The following COX7A2L variants were observed in gnomAD, a reference collection of about 807,000 sequenced individuals.
COX7A2L encodes cytochrome c oxidase subunit 7A2-like, mitochondrial.
Under a neutral mutation model 14.2 loss-of-function variants are expected in COX7A2L, and 18 were observed. The ratio of observed to expected loss-of-function variants is 1.27; its 90% confidence interval spans 0.88 to 1.88. COX7A2L has a LOEUF of 1.88. Among genes scored for constraint, COX7A2L ranks in the 40% most tolerant of loss-of-function variants. The pLI is 0.00. For synonymous variants in COX7A2L, 65 were observed against 57.4 expected, an observed-to-expected ratio of 1.13 and a Z score of -0.60; for missense variants, 179 against 138.8, an observed-to-expected ratio of 1.29 and a Z score of -1.46.
chr2:42,351,368 C>T lies in COX7A2L; in HGVS notation c.205-9G>A, dbSNP rs756543123. The T allele has an allele frequency of 6.2e-7, 1 of 1,611,312 alleles. No individual in the cohort carries two copies. Among genetic ancestry groups the T allele is most frequent in the African/African-American group, 1.3e-5 (1 of 74,762 alleles). On this transcript the variant is annotated splice_polypyrimidine_tract_variant and intron_variant, in intron 2 of 2. Transcript: ENST00000234301. ...GGCACACCATCAGCTTTCTTGAAAGCAAGAATTAACAAGGGCATGGTTGAG... is the reference window on the plus strand; with the variant it reads ...GGCACACCATCAGCTTTCTTGAAAGTAAGAATTAACAAGGGCATGGTTGAG...
At chr2:42,357,501 G>C (rs371791637) in intron 1 of COX7A2L, among the ~76,000 whole-genome samples, 4 of 151,564 alleles carry the variant, frequency 2.6e-5, no homozygotes, top group East Asian at 3.9e-4. Flanking sequence ...TTTTAGAGAC[G>C]GGGTCTCACT....
At position 42,339,259 on chromosome 2, in the gene COX7A2L, G is replaced by A. The variant is rs994148052; in HGVS notation, c.193-5390C>T. Among the ~76,000 whole-genome samples the A allele has an allele frequency of 3.3e-5, 5 of 152,244 alleles. No individual in the cohort carries two copies. Among genetic ancestry groups the A allele is most frequent in the African/African-American group, 9.6e-5 (4 of 41,556 alleles). On this transcript the variant is annotated intron_variant, in intron 2 of 2. Transcript: ENST00000468711. The surrounding 1 kb of genome is among the most constrained non-coding windows in gnomAD (Gnocchi z 5.4). ...GGAGGGCACTCAGGAAACCACAGACGCGGCCGTTGGCACCACCAGGAGCTG... is the reference window on the plus strand; with the variant it reads ...GGAGGGCACTCAGGAAACCACAGACACGGCCGTTGGCACCACCAGGAGCTG...
chr2:42,361,262 C>G, upstream of COX7A2L: 1 of 1,130,360 alleles, frequency 8.8e-7, no homozygotes, highest in Non-Finnish European at 1.3e-6. Context: ...CGCAAGGACC[C>G]GGTGCTGGGA....
At chr2:42,343,591 G>A (rs1670441288) in intron 2 of COX7A2L, among the ~76,000 whole-genome samples, 1 of 152,180 alleles carries the variant, frequency 6.6e-6, no homozygotes, top group Non-Finnish European at 1.5e-5. Flanking sequence ...CCCAGCCTAG[G>A]AGGTGTGGAG....
At chr2:42,359,306 T>C (rs1670939759) in intron 1 of COX7A2L, 1 of 152,184 alleles carries the variant, frequency 6.6e-6, no homozygotes, top group Admixed American at 6.5e-5. Flanking sequence ...CTATTTATGA[T>C]GATAAAAGTC....
intron 2 of COX7A2L, among the ~76,000 whole-genome samples, chr2:42,340,988 C>T (rs1670394050): frequency 6.6e-6 from 1 of 152,126 alleles, no homozygotes. Context: ...CTCTGGCATC[C>T]TGGGTTTGAA....
At chr2:42,357,684 T>A (rs778722427) in intron 1 of COX7A2L, among the ~76,000 whole-genome samples, 5 of 152,080 alleles carry the variant, frequency 3.3e-5, no homozygotes, top group Admixed American at 1.3e-4. Flanking sequence ...ACACTCATCA[T>A]GTCCAAAATT....
chr2:42,364,909 G>T (rs1028269465), upstream of COX7A2L, among the ~76,000 whole-genome samples: 3 of 152,158 alleles, frequency 2.0e-5, no homozygotes, highest in Non-Finnish European at 2.9e-5. Flanking sequence ...TCAATACAGT[G>T]TGTGAAACTG....
chr2:42,353,534 G>A (rs1429053044), intron 1 of COX7A2L, among the ~76,000 whole-genome samples, 191 bp from the exon 2 acceptor site: 2 of 152,126 alleles, frequency 1.3e-5, no homozygotes, highest in African/African-American at 4.8e-5. Context: ...GCCAACAAAG[G>A]CCCAATCTGA....
rs754878093 is a variant in COX7A2L, at chr2:42,351,247, T to C, written c.317A>G (p.Tyr106Cys). Residue 106 changes from tyrosine to cysteine, a missense_variant, in exon 3 of 3, where the codon TAC (tyrosine) becomes TGC (cysteine). Physicochemically the swap from Tyr to Cys is radical, Grantham distance 194 (BLOSUM62 -2). Coordinates refer to ENST00000234301, the MANE Select transcript of COX7A2L (RefSeq NM_004718.4). The part of the protein sequence containing the change: ...GGTIYCLIAL[Y>C]MASQPKNK ...TTTGTTTTTGGGCTGCGAAGCCATG[T>C]AGAGGGCGATCAGGCAGTAGATGGT... is the stretch of plus-strand genomic sequence containing the variant. 2.5e-6 allele frequency: 4 copies of C among 1,614,104 alleles called. No individual in the cohort carries two copies. The highest frequency in any genetic ancestry group is 3.4e-6 in the Non-Finnish European group (4 of 1,179,984).
At chr2:42,364,797 G>A (rs145200641), upstream of COX7A2L, among the ~76,000 whole-genome samples, 23 of 152,258 alleles carry the variant, frequency 1.5e-4, no homozygotes, top group African/African-American at 5.5e-4. Flanking sequence ...CCAAAGGAGG[G>A]GAAATGGCAG....
intron 1 of COX7A2L, among the ~76,000 whole-genome samples, chr2:42,360,710 G>A (rs1670998372): frequency 2.4e-4 from 2 of 8,478 alleles, no homozygotes; most frequent in East Asian, 0.015. Context: ...TGGGGCTCTG[G>A]CAGATGACAA....
At chr2:42,360,251 A>G (rs1670979039) in intron 1 of COX7A2L, among the ~76,000 whole-genome samples, 1 of 152,176 alleles carries the variant, frequency 6.6e-6, no homozygotes, top group Admixed American at 6.5e-5. Context: ...TCCAGAACCA[A>G]CCACCTGCCC....
rs557220860 is a variant in COX7A2L, at chr2:42,338,443, C to T, written c.193-4574G>A. Among the ~76,000 whole-genome samples the T allele has an allele frequency of 6.6e-6, 1 of 152,210 alleles. No individual in the cohort carries two copies. Among genetic ancestry groups the T allele is most frequent in the African/African-American group, 2.4e-5 (1 of 41,458 alleles). On this transcript the variant is annotated intron_variant, in intron 2 of 2. Coordinates refer to the COX7A2L transcript ENST00000468711. The surrounding 1 kb of genome is among the most constrained non-coding windows in gnomAD (Gnocchi z 4.4). ...GAGGTGACCAGGCTTTCTCCGAGAG[C>T]GACAGGCCCCAGCTATGCTGGCAAG...
At chr2:42,341,788 C>T (rs1382550419) in intron 2 of COX7A2L, among the ~76,000 whole-genome samples, 1 of 152,188 alleles carries the variant, frequency 6.6e-6, no homozygotes, top group Admixed American at 6.5e-5. Context: ...TAATGGAATT[C>T]ATGTTTTGGA....
rs1670710800 is a variant in COX7A2L, at chr2:42,353,363, A to G, written c.73-20T>C. On this transcript the variant is annotated intron_variant, in intron 1 of 2. Coordinates refer to ENST00000234301, the MANE Select transcript of COX7A2L (RefSeq NM_004718.4). ...TAATCCCTGTAGAGAAAAAAAGGAAAATGGCAAGTTGAAAGTATGTCTGAG... is the reference window on the plus strand; with the variant it reads ...TAATCCCTGTAGAGAAAAAAAGGAAGATGGCAAGTTGAAAGTATGTCTGAG... 1 of 1,611,644 alleles carries G rather than the reference A, an allele frequency of 6.2e-7. No homozygotes were observed. The highest frequency in any genetic ancestry group is 8.5e-7 in the Non-Finnish European group (1 of 1,179,446).
intron 1 of COX7A2L, among the ~76,000 whole-genome samples, chr2:42,354,210 T>C (rs1031433998): frequency 5.3e-5 from 8 of 152,166 alleles, no homozygotes; most frequent in African/African-American, 1.9e-4. Flanking sequence ...AAACCCTAAA[T>C]TGTACCCTTT....
At chr2:42,337,610 T>A (rs1429749941) in intron 2 of COX7A2L, among the ~76,000 whole-genome samples, 1 of 152,162 alleles carries the variant, frequency 6.6e-6, no homozygotes, top group Non-Finnish European at 1.5e-5. Context: ...GCCTGTGGTC[T>A]GGATTACTGT....
chr2:42,347,860 G>A (rs1420517985), downstream of COX7A2L, among the ~76,000 whole-genome samples: 5 of 152,216 alleles, frequency 3.3e-5, no homozygotes, highest in African/African-American at 1.2e-4. Flanking sequence ...AGCAGAGGCT[G>A]CGGTGAGCCG....
Sources: allele counts gnomAD v4.1 joint callset (sites outside exome capture counted in the v4.1 genomes callset), GRCh38; gene constraint gnomAD v4.1.1; non-coding constraint Gnocchi (gnomAD v3.1); transcripts MANE v1.5; gene names NCBI Gene and HGNC (gene_info 2026-07-23, HGNC 2026-07-21).